Variants in PTPRD observed in about 807,000 individuals in gnomAD.
PTPRD encodes receptor-type tyrosine-protein phosphatase delta.
In PTPRD, 34 loss-of-function variants were observed where a neutral mutation model predicts 214.5. That is an observed-to-expected ratio of 0.16 (90% CI 0.12 to 0.21). The LOEUF (loss-of-function observed/expected upper bound fraction) is 0.21. Among genes scored for constraint, PTPRD ranks in the 10% least tolerant of loss-of-function variants. PTPRD has a pLI of 1.00. For synonymous variants in PTPRD, 1,128 were observed against 845.7 expected (o/e 1.33, Z -5.79); for missense variants, 2,545 against 2,398.7 (o/e 1.06, Z -1.27).
intron 5 of PTPRD, among the ~76,000 whole-genome samples, chr9:9,785,398 C>A (rs747748962): frequency 9.9e-5 from 15 of 152,046 alleles, no homozygotes; most frequent in Non-Finnish European, 1.6e-4. Flanking sequence ...TTCTCATAGA[C>A]AAAGTATATA....
At chr9:8,353,834 A>G (rs866132336) in intron 39 of PTPRD, among the ~76,000 whole-genome samples, 6 of 14,350 alleles carry the variant, frequency 4.2e-4, no homozygotes, top group Non-Finnish European at 9.0e-4. Flanking sequence ...GTATATATGT[A>G]TATATGTATA....
At chr9:9,729,128 G>A (rs1014758264) in intron 7 of PTPRD, among the ~76,000 whole-genome samples, 1 of 152,054 alleles carries the variant, frequency 6.6e-6, no homozygotes, top group Admixed American at 6.6e-5. Flanking sequence ...TAGTTTGGGC[G>A]GGCTTTATGC....
intron 11 of PTPRD, among the ~76,000 whole-genome samples, chr9:8,807,254 T>C (rs150341687): frequency 0.014 from 2,085 of 152,158 alleles, 59 homozygotes; most frequent in African/African-American, 0.048. Flanking sequence ...GGAGAATCGC[T>C]TGAACCCGGG....
At chr9:9,654,975 T>C (rs1000748488) in intron 7 of PTPRD, among the ~76,000 whole-genome samples, 1 of 151,340 alleles carries the variant, frequency 6.6e-6, no homozygotes, top group Non-Finnish European at 1.5e-5. Context: ...TTTACACAAA[T>C]ATTTTTTAAA....
chr9:8,805,771 G>A (rs914285219), intron 11 of PTPRD, among the ~76,000 whole-genome samples: 1 of 151,070 alleles, frequency 6.6e-6, no homozygotes, highest in Non-Finnish European at 1.5e-5. Context: ...TGAGGCGGAC[G>A]GATCATGAGG....
At chr9:9,109,582 C>T (rs1253589472) in intron 10 of PTPRD, among the ~76,000 whole-genome samples, 1 of 152,000 alleles carries the variant, frequency 6.6e-6, no homozygotes, top group African/African-American at 2.4e-5. Context: ...ATAATCATAA[C>T]AGTTATACTG....
At chr9:10,492,346 CT>C (rs2040581005) in intron 2 of PTPRD, among the ~76,000 whole-genome samples, 1 of 151,934 alleles carries the variant, frequency 6.6e-6, no homozygotes, top group Admixed American at 6.6e-5. Context: ...AAAAGTGTTC[CT>C]ATTTTTTCAC....
At chr9:8,389,429 T>C (rs2088582206) in intron 36 of PTPRD, 22 bp from the exon 37 acceptor site, 1 of 1,593,676 alleles carries the variant, frequency 6.3e-7, no homozygotes, top group Non-Finnish European at 8.6e-7. Context: ...GGAGTGTTAT[T>C]CAACCAGGTG....
chr9:9,427,070 T>G (rs535574597), intron 8 of PTPRD, among the ~76,000 whole-genome samples: 2 of 152,232 alleles, frequency 1.3e-5, no homozygotes, highest in Admixed American at 6.5e-5. Flanking sequence ...GACTGACAAG[T>G]TGAGAGAAGA....
chr9:8,362,563 G>C (rs1292882835), intron 39 of PTPRD, among the ~76,000 whole-genome samples: 1 of 152,182 alleles, frequency 6.6e-6, no homozygotes. Context: ...GTTGGTTCAG[G>C]TTGACAAAGT....
chr9:8,581,674 G>A (rs149555142), intron 14 of PTPRD, among the ~76,000 whole-genome samples: 1 of 152,112 alleles, frequency 6.6e-6, no homozygotes, highest in East Asian at 1.9e-4. Flanking sequence ...CGTGAACCCA[G>A]AGGCAAAGCT....
chr9:9,128,135 T>C (rs2099836934), intron 10 of PTPRD, among the ~76,000 whole-genome samples: 1 of 152,194 alleles, frequency 6.6e-6, no homozygotes, highest in African/African-American at 2.4e-5. Flanking sequence ...ATGAACAACA[T>C]AGATGCTGGA....
chr9:9,797,243 GT>G (rs56375104), intron 5 of PTPRD, among the ~76,000 whole-genome samples: 1,744 of 98,046 alleles, frequency 0.018, 21 homozygotes, highest in African/African-American at 0.049. Flanking sequence ...ATTTCAGGCA[GT>G]TTTTTTTTTT....
chr9:10,520,089 A>T (rs1178558024), intron 2 of PTPRD, among the ~76,000 whole-genome samples: 2 of 152,186 alleles, frequency 1.3e-5, no homozygotes, highest in Admixed American at 1.3e-4. Flanking sequence ...CAAAAGCTAG[A>T]AATGATTAAG....
rs190940034 is a variant in PTPRD, at chr9:9,955,562, C to T, written c.-471-16952G>A. Among the ~76,000 whole-genome samples, 383 of 147,836 alleles carry T rather than the reference C, an allele frequency of 2.6e-3. 4 individuals are homozygous for T. Among genetic ancestry groups the T allele is most frequent in the African/African-American group, 9.1e-3 (362 of 39,916 alleles). On this transcript the variant is annotated intron_variant, in intron 4 of 45. Transcript: ENST00000381196. ...TTTTTGAGACAGAGTCTCGCTCTGTCGCCCAGGCTTGAGTATAGTGGCACG... is the reference window on the plus strand; with the variant it reads ...TTTTTGAGACAGAGTCTCGCTCTGTTGCCCAGGCTTGAGTATAGTGGCACG...
chr9:9,625,129 C>A (rs1419884500), intron 7 of PTPRD, among the ~76,000 whole-genome samples: 1 of 152,150 alleles, frequency 6.6e-6, no homozygotes, highest in African/African-American at 2.4e-5. Context: ...CACAGTAGTT[C>A]TTGGACCTGC....
intron 5 of PTPRD, among the ~76,000 whole-genome samples, chr9:9,811,180 C>A (rs1331485633): frequency 6.6e-6 from 1 of 151,936 alleles, no homozygotes; most frequent in Non-Finnish European, 1.5e-5. Flanking sequence ...CCTCAGCCTG[C>A]GCAACAAGAA....
rs1431205297 is a variant in PTPRD, at chr9:9,773,877, G to A, written c.-367-7026C>T. ...AAAAAAGATAAGCACTGTTCTTAGT[G>A]GTTATCTCTGAGTTGTGATTTTCTT... is the stretch of plus-strand genomic sequence containing the variant. On this transcript the variant is annotated intron_variant, in intron 5 of 45. Transcript: ENST00000381196. Among the ~76,000 whole-genome samples the A allele has an allele frequency of 3.9e-5, 6 of 152,104 alleles. 1 individual carries two copies. The highest frequency in any genetic ancestry group is 1.4e-4 in the African/African-American group (6 of 41,422).
At chr9:9,761,001 A>G (rs929977791) in intron 6 of PTPRD, among the ~76,000 whole-genome samples, 8 of 152,208 alleles carry the variant, frequency 5.3e-5, no homozygotes, top group African/African-American at 1.2e-4. Context: ...GCAGTTTCTT[A>G]TAAGACTAAA....
Sources: gnomAD v4.1 joint callset for allele counts (sites outside exome capture counted in the v4.1 genomes callset) on GRCh38, gnomAD v4.1.1 for gene constraint, MANE v1.5 for transcripts, NCBI Gene and HGNC (gene_info 2026-07-23, HGNC 2026-07-21) for gene names.